The following SH3PXD2A variants were observed in gnomAD, a reference collection of about 807,000 sequenced individuals.
SH3PXD2A encodes SH3 and PX domains 2A.
SH3PXD2A carries 32 observed loss-of-function variants against 115.2 expected under a neutral mutation model. The ratio of observed to expected loss-of-function variants is 0.28; its 90% CI spans 0.21 to 0.37. SH3PXD2A has a LOEUF of 0.37. Among genes scored for constraint, SH3PXD2A ranks in the 10% least tolerant of loss-of-function variants. SH3PXD2A has a pLI of 1.00. For synonymous variants in SH3PXD2A, 610 were observed against 629.1 expected (o/e 0.97, Z 0.45); for missense variants, 1,328 against 1,498.7 (o/e 0.89, Z 1.88).
intron 3 of SH3PXD2A, among the ~76,000 whole-genome samples, chr10:103,762,463 G>T (rs577989032): frequency 6.8e-4 from 103 of 152,282 alleles, no homozygotes; most frequent in Non-Finnish European, 1.3e-3. Context: ...CATAATACGG[G>T]GTTTGGAGGC....
Position 103,624,261 on chromosome 10 carries a change from C to A in SH3PXD2A, c.719-1708G>T, listed in dbSNP as rs552755138. Among the ~76,000 whole-genome samples, 5 of 152,358 alleles carry A rather than the reference C, an allele frequency of 3.3e-5. No homozygotes were observed. The South Asian group carries it at 8.3e-4, about 25-fold the overall frequency. On this transcript the variant is annotated intron_variant, in intron 9 of 14. Coordinates refer to ENST00000369774, the MANE Select transcript of SH3PXD2A (RefSeq NM_001394015.1). The stretch of plus-strand genomic sequence containing the variant: ...GATCTGCTCACTAATGGGGTACACG[C>A]CTTTGGTACAGCAGCACAGAAGACC...
intron 5 of SH3PXD2A, among the ~76,000 whole-genome samples, chr10:103,717,832 G>A (rs368584588): frequency 6.6e-6 from 1 of 152,258 alleles, no homozygotes; most frequent in South Asian, 2.1e-4. Flanking sequence ...TGCATCTGGG[G>A]GTGAGGGGCC....
At chr10:103,836,983 G>A (rs1589478184) in intron 1 of SH3PXD2A, among the ~76,000 whole-genome samples, 3 of 152,146 alleles carry the variant, frequency 2.0e-5, no homozygotes, top group East Asian at 1.9e-4. Flanking sequence ...GATGAGTGAC[G>A]GATGAAGATA....
intron 3 of SH3PXD2A, among the ~76,000 whole-genome samples, chr10:103,765,179 T>C (rs996045721): frequency 3.3e-5 from 5 of 152,124 alleles, no homozygotes; most frequent in African/African-American, 1.2e-4. Flanking sequence ...GTTTCCAGGG[T>C]GAACCCGGGC....
chr10:103,608,751 A>C (rs2036377086), intron 13 of SH3PXD2A: 1 of 152,186 alleles, frequency 6.6e-6, no homozygotes, highest in African/African-American at 2.4e-5. Context: ...TACAGGCATA[A>C]GCCACTGTGC....
chr10:103,761,971 G>C (rs1023510569), intron 3 of SH3PXD2A, among the ~76,000 whole-genome samples: 2 of 150,450 alleles, frequency 1.3e-5, no homozygotes, highest in Non-Finnish European at 3.0e-5. Context: ...TATGCAGAGT[G>C]GCTAGGATAA....
chr10:103,707,679 T>C (rs2037998081), intron 5 of SH3PXD2A, among the ~76,000 whole-genome samples: 1 of 152,032 alleles, frequency 6.6e-6, no homozygotes, highest in Non-Finnish European at 1.5e-5. Context: ...TTATTTCAGT[T>C]AATCCTTGTA....
intron 8 of SH3PXD2A, among the ~76,000 whole-genome samples, chr10:103,634,042 C>G (rs951985666): frequency 1.3e-5 from 2 of 152,244 alleles, no homozygotes; most frequent in African/African-American, 4.8e-5. Flanking sequence ...TTGCCCAGCT[C>G]TCCTTGTGTG....
intron 5 of SH3PXD2A, among the ~76,000 whole-genome samples, chr10:103,713,128 G>T (rs2038065481): frequency 6.6e-6 from 1 of 152,140 alleles, no homozygotes; most frequent in Non-Finnish European, 1.5e-5. Flanking sequence ...TGAACCGAGG[G>T]CTTCAAAGTG....
intron 8 of SH3PXD2A, among the ~76,000 whole-genome samples, chr10:103,660,418 T>A (rs979223685): frequency 3.3e-5 from 5 of 152,092 alleles, no homozygotes. Flanking sequence ...CCTGGCTGCA[T>A]CCCCCTCACT....
rs1256173022 is a variant in SH3PXD2A, at chr10:103,598,221, C to T, written c.*3595G>A. ...GCTGAGGCCTGGCAAGACAGCCCGT[C>T]TACAGTCATTGGACATAGGGGAAAC... On this transcript the variant is annotated 3_prime_UTR_variant, in exon 15 of 15. Coordinates refer to ENST00000369774, the MANE Select transcript of SH3PXD2A (RefSeq NM_001394015.1). The T allele has an allele frequency of 1.3e-5, 2 of 152,670 alleles. No homozygotes were observed. The highest frequency in any genetic ancestry group is 4.8e-5 in the African/African-American group (2 of 41,458). 9.5% of individuals were successfully genotyped at this position (152,670 alleles called of 1,614,324 possible). A position where few individuals can be genotyped will look rare whatever the true frequency, so the allele number is the denominator to read the frequency against.
intron 2 of SH3PXD2A, among the ~76,000 whole-genome samples, chr10:103,769,144 G>C (rs1382280848): frequency 1.6e-5 from 1 of 62,736 alleles, no homozygotes; most frequent in African/African-American, 9.4e-5. Flanking sequence ...CTGTGTGTGT[G>C]TGTGTGTGTG....
At chr10:103,654,920 T>C (rs772680032) in intron 8 of SH3PXD2A, among the ~76,000 whole-genome samples, 1 of 152,138 alleles carries the variant, frequency 6.6e-6, no homozygotes, top group Non-Finnish European at 1.5e-5. Flanking sequence ...GCAGTCTCCT[T>C]CTCAACATAA....
intron 2 of SH3PXD2A, among the ~76,000 whole-genome samples, chr10:103,769,056 C>T (rs144006121): frequency 6.6e-6 from 1 of 151,782 alleles, no homozygotes; most frequent in African/African-American, 2.4e-5. Context: ...GGCCCACCTC[C>T]GACACCAGGT....
intron 6 of SH3PXD2A, among the ~76,000 whole-genome samples, chr10:103,687,808 A>G (rs1429732845): frequency 3.9e-5 from 6 of 152,030 alleles, no homozygotes; most frequent in African/African-American, 1.5e-4. Context: ...TGCCAGCTAC[A>G]TCTCTGCTCT....
At position 103,790,028 on chromosome 10, in the gene SH3PXD2A, C is replaced by T. The variant is rs192129271; in HGVS notation, c.153+11254G>A. On this transcript the variant is annotated intron_variant, in intron 2 of 14. Coordinates refer to ENST00000369774, the MANE Select transcript of SH3PXD2A (RefSeq NM_001394015.1). ...ACCTTTCTGGGATCTAGAGAGAAGT[C>T]TTCAGCTCTTTGCAACGGCAGCTTC... is the stretch of plus-strand genomic sequence containing the variant. 3.9e-5 allele frequency among the ~76,000 whole-genome samples: 6 copies of T among 152,310 alleles called. No individual in the cohort carries two copies. In the East Asian group the frequency reaches 1.2e-3, roughly 29 times the overall value.
chr10:103,786,107 T>A (rs1665544309), intron 2 of SH3PXD2A, among the ~76,000 whole-genome samples: 1 of 151,928 alleles, frequency 6.6e-6, no homozygotes, highest in Non-Finnish European at 1.5e-5. Flanking sequence ...ACTGACCATT[T>A]CTCTCTATGC....
At chr10:103,801,392 A>C (rs2039145307) in intron 1 of SH3PXD2A, 30 bp from the exon 2 acceptor site, 1 of 1,426,340 alleles carries the variant, frequency 7.0e-7, no homozygotes. Flanking sequence ...GCAGGTGAGC[A>C]AGGCTGGATT....
intron 8 of SH3PXD2A, among the ~76,000 whole-genome samples, chr10:103,634,352 C>G (rs2036833746): frequency 6.6e-6 from 1 of 152,242 alleles, no homozygotes; most frequent in South Asian, 2.1e-4. Context: ...GTGTGTATCA[C>G]ACATTGACAG....
Sources: gnomAD v4.1 joint callset for allele counts (sites outside exome capture counted in the v4.1 genomes callset) on GRCh38, gnomAD v4.1.1 for gene constraint, MANE v1.5 for transcripts, NCBI Gene and HGNC (gene_info 2026-07-23, HGNC 2026-07-21) for gene names.